The following VDAC2 variants were observed in gnomAD, a reference collection of about 807,000 sequenced individuals.
VDAC2 encodes non-selective voltage-gated ion channel VDAC2.
In VDAC2, 6 loss-of-function variants were observed where a neutral mutation model predicts 36.6. That is an observed-to-expected ratio of 0.16 (90% CI 0.09 to 0.32). The LOEUF is 0.32. Ranked by LOEUF, VDAC2 falls within the 10% of genes least tolerant of loss-of-function variation. The probability of loss-of-function intolerance (pLI) is 1.00; values close to 1 mark genes in which losing one functional copy is unlikely to be tolerated. For missense variants in VDAC2, 247 were observed against 346.0 expected (o/e 0.71, Z 2.27); for synonymous variants, 109 against 123.8 (o/e 0.88, Z 0.79).
At chr10:75,213,796 A>G (rs1055216913) in intron 3 of VDAC2, among the ~76,000 whole-genome samples, 2 of 152,206 alleles carry the variant, frequency 1.3e-5, no homozygotes, top group African/African-American at 2.4e-5. Flanking sequence ...TTGTGTACCA[A>G]CTACCAAAAA....
intron 4 of VDAC2, 66 bp downstream of exon 4, chr10:75,214,136 A>G: frequency 1.3e-6 from 2 of 1,520,060 alleles, no homozygotes; most frequent in Non-Finnish European, 1.8e-6. Context: ...AAATGGTCAT[A>G]ACTGAAAGAT....
chr10:75,220,986 A>T lies in VDAC2; in HGVS notation c.584+16A>T. 3.1e-6 allele frequency: 5 copies of T among 1,607,924 alleles called. No individual in the cohort carries two copies. The highest frequency in any genetic ancestry group is 4.3e-6 in the Non-Finnish European group (5 of 1,175,306). On this transcript the variant is annotated intron_variant, in intron 7 of 9. Transcript: ENST00000332211. ...ACACTAATGTGTAAGTATTTCTTTC[A>T]TAGGATACTGTGATGTGGGCCCTCA...
intron 4 of VDAC2, among the ~76,000 whole-genome samples, chr10:75,214,724 C>T (rs979845134): frequency 6.6e-6 from 1 of 152,204 alleles, no homozygotes; most frequent in African/African-American, 2.4e-5. Flanking sequence ...GGGGTTTCAC[C>T]ATGTTGGCCA....
chr10:75,211,586 G>C (rs1033155958), intron 2 of VDAC2: 1 of 1,550,490 alleles, frequency 6.4e-7, no homozygotes, highest in Non-Finnish European at 8.7e-7. Context: ...TGGAATGAAT[G>C]AGCTGGTGTA....
chr10:75,215,641 C>T lies in VDAC2; in HGVS notation c.150+1571C>T, dbSNP rs370134087. Among the ~76,000 whole-genome samples, 3 of 150,926 alleles carry T rather than the reference C, an allele frequency of 2.0e-5. No homozygotes were observed. In the South Asian group the frequency reaches 6.3e-4, roughly 32 times the overall value. ...TGCTGGGATTACAGGCGTGAGCCAC[C>T]GCGCCCGGCCTATATAGACATTTTT... On this transcript the variant is annotated intron_variant, in intron 4 of 9. Coordinates refer to ENST00000332211, the MANE Select transcript of VDAC2 (RefSeq NM_001391963.1).
intron 7 of VDAC2, 94 bp from the exon 8 acceptor site, chr10:75,222,158 G>GT (rs1254587621): frequency 5.9e-6 from 8 of 1,365,016 alleles, no homozygotes; most frequent in South Asian, 1.5e-5. Flanking sequence ...TTGAGCTGTG[G>GT]TTTTTTATTT....
chr10:75,211,554 C>T (rs1489398010), intron 2 of VDAC2: 8 of 1,550,470 alleles, frequency 5.2e-6, no homozygotes, highest in Admixed American at 3.9e-5. Flanking sequence ...ACTTGTGCTC[C>T]TAAGGGCGTG....
At chr10:75,212,193 T>G in intron 2 of VDAC2, 37 bp from the exon 3 acceptor site, 1 of 1,576,602 alleles carries the variant, frequency 6.3e-7, no homozygotes, top group Non-Finnish European at 8.7e-7. Context: ...GGTGGGAGAA[T>G]AGAGACATTA....
intron 4 of VDAC2, among the ~76,000 whole-genome samples, chr10:75,217,390 T>A (rs546154890): frequency 1.3e-5 from 2 of 152,286 alleles, no homozygotes; most frequent in African/African-American, 4.8e-5. Context: ...TTTGTTTAAT[T>A]GGAAATGGAG....
At chr10:75,218,992 G>T (rs1335138769) in intron 4 of VDAC2, 71 bp from the exon 5 acceptor site, 2 of 1,471,516 alleles carry the variant, frequency 1.4e-6, no homozygotes, top group African/African-American at 2.8e-5. Context: ...TTGTGTGTGT[G>T]TGCGTGTGTA....
At chr10:75,226,893 G>A (rs1841970016) in intron 8 of VDAC2, among the ~76,000 whole-genome samples, 2 of 152,184 alleles carry the variant, frequency 1.3e-5, no homozygotes. Flanking sequence ...TTCTGCCTTG[G>A]GGAGGGCATA....
At chr10:75,228,242 A>T (rs1842014893) in intron 8 of VDAC2, among the ~76,000 whole-genome samples, 1 of 150,848 alleles carries the variant, frequency 6.6e-6, no homozygotes, top group South Asian at 2.1e-4. Flanking sequence ...TTTGTAGGGT[A>T]CAAGATGGTC....
chr10:75,224,987 G>A (rs182826207), intron 8 of VDAC2, among the ~76,000 whole-genome samples: 4 of 152,276 alleles, frequency 2.6e-5, no homozygotes, highest in African/African-American at 7.2e-5. Flanking sequence ...GATCTGTAAC[G>A]AAACTGATTT....
intron 8 of VDAC2, among the ~76,000 whole-genome samples, chr10:75,224,332 G>C (rs1841897338): frequency 6.6e-6 from 1 of 152,220 alleles, no homozygotes; most frequent in South Asian, 2.1e-4. Context: ...AATAGTAGGA[G>C]AAACTGAGTT....
chr10:75,212,658 T>C (rs1841462760), intron 3 of VDAC2, among the ~76,000 whole-genome samples: 1 of 152,178 alleles, frequency 6.6e-6, no homozygotes, highest in African/African-American at 2.4e-5. Context: ...CAAAGCCTGG[T>C]TGGATTACGT....
In VDAC2 at chr10:75,211,501, C is replaced by T. The variant is rs78247561; in HGVS notation, c.31+312C>T. On this transcript the variant is annotated intron_variant, in intron 2 of 9. Coordinates refer to ENST00000332211, the MANE Select transcript of VDAC2 (RefSeq NM_001391963.1). Reference sequence around the variant, plus strand: ...TTGGAGGATCGGATCAATCACTTTTCTAGAGGAAGTAGCAGTCCCTCTTGT... The same window carrying T: ...TTGGAGGATCGGATCAATCACTTTTTTAGAGGAAGTAGCAGTCCCTCTTGT... The T allele has an allele frequency of 5.4e-3, 8,326 of 1,535,756 alleles. 400 individuals carry two copies. In the African/African-American group the frequency reaches 0.1, roughly 18 times the overall value.
At chr10:75,213,637 G>A (rs897753524) in intron 3 of VDAC2, among the ~76,000 whole-genome samples, 1 of 152,084 alleles carries the variant, frequency 6.6e-6, no homozygotes, top group Non-Finnish European at 1.5e-5. Flanking sequence ...CCAACTACTC[G>A]GGAGACTGAG....
At chr10:75,215,006 T>G (rs1412745642) in intron 4 of VDAC2, among the ~76,000 whole-genome samples, 1 of 151,712 alleles carries the variant, frequency 6.6e-6, no homozygotes, top group Non-Finnish European at 1.5e-5. Flanking sequence ...CTCGACCTCT[T>G]GGGCTCAAGC....
At chr10:75,217,757 A>G (rs113280403) in intron 4 of VDAC2, 4 of 410,366 alleles carry the variant, frequency 9.7e-6, no homozygotes, top group African/African-American at 2.1e-5. Context: ...CTAATTTAGG[A>G]GAGTGATGTA....
Sources: gnomAD v4.1 joint callset for allele counts (sites outside exome capture counted in the v4.1 genomes callset) on GRCh38, gnomAD v4.1.1 for gene constraint, MANE v1.5 for transcripts, NCBI Gene and HGNC (gene_info 2026-07-23, HGNC 2026-07-21) for gene names.